POLR3C: variants seen among roughly 807,000 people sequenced by gnomAD.
POLR3C encodes the protein DNA-directed RNA polymerase III subunit RPC3.
A neutral mutation model predicts 65.9 loss-of-function variants in POLR3C; 44 were observed. The observed-to-expected ratio is 0.67, with a 90% CI of 0.52 to 0.86. The LOEUF is 0.86. Among genes scored for constraint, POLR3C ranks in the 40% least tolerant of loss-of-function variants. The pLI, the probability that POLR3C is intolerant of heterozygous loss-of-function variation, is 0.00. For missense variants in POLR3C, 576 were observed against 653.2 expected, an observed-to-expected ratio of 0.88 and a Z score of 1.29; for synonymous variants, 263 against 231.6, an observed-to-expected ratio of 1.14 and a Z score of -1.23.
At chr1:145,827,575 C>T (rs186961585) in intron 4 of POLR3C, among the ~76,000 whole-genome samples, 71 of 151,768 alleles carry the variant, frequency 4.7e-4, no homozygotes, top group Non-Finnish European at 5.0e-4. Flanking sequence ...CTGGCTAATA[C>T]CGGGAAACCC....
At chr1:145,826,758 A>G (rs781929377) in intron 3 of POLR3C, 49 bp downstream of exon 3, 27 of 1,610,022 alleles carry the variant, frequency 1.7e-5, no homozygotes, top group African/African-American at 1.3e-4. Context: ...TCAGCTGGCT[A>G]TGGGAGTGAA....
At position 145,833,552 on chromosome 1, in the gene POLR3C, T is replaced by C. The variant is rs981528812; in HGVS notation, c.846T>C (p.Ala282=). ...RMSEITTSSS[A]PFTQPLSSNE... is the part of the protein sequence containing the mutation. ...GTGAGATTACCACTTCCTCTAGTGC[T>C]CCCTTCACCCAGCCATTGTCTTCCA... Residue 282 remains alanine (A), a synonymous_variant, in exon 7 of 15, where the codon GCT becomes GCC. Transcript: ENST00000334163. The C allele has an allele frequency of 6.2e-7, 1 of 1,612,068 alleles. No individual in the cohort carries two copies. Among genetic ancestry groups the C allele is most frequent in the Non-Finnish European group, 8.5e-7 (1 of 1,178,058 alleles).
In POLR3C at chr1:145,825,772, G is replaced by A. The variant is rs1650685554; in HGVS notation, c.-5G>A. 1 of 1,612,204 alleles carries A rather than the reference G, an allele frequency of 6.2e-7. No homozygotes were observed. Among genetic ancestry groups the A allele is most frequent in the African/African-American group, 1.3e-5 (1 of 74,964 alleles). On this transcript the variant is annotated 5_prime_UTR_variant, in exon 2 of 15. Coordinates refer to ENST00000334163, the MANE Select transcript of POLR3C (RefSeq NM_006468.8). ...TTTTCCCTAGCTCTCAGACTCCCCAGTACAATGACTCAAGCAGAAATTAAG... is the reference window on the plus strand; with the variant it reads ...TTTTCCCTAGCTCTCAGACTCCCCAATACAATGACTCAAGCAGAAATTAAG...
rs1377202941 is a variant in POLR3C at position 145,828,825 on chromosome 1, A to G, written c.666A>G (p.Thr222=). The part of the protein sequence containing the change: ...EPKAKRPKYT[T]DNKEPIPDDG... ...AGGCCAAGAGACCAAAATATACTAC[A>G]GATAACAAGGAGGTAATGGGGCTTC... Residue 222 remains threonine, a synonymous_variant, in exon 5 of 15, where the codon ACA becomes ACG. Transcript: ENST00000334163. The G allele has an allele frequency of 8.9e-6, 14 of 1,575,462 alleles. No individual in the cohort carries two copies. The highest frequency in any genetic ancestry group is 1.2e-5 in the Non-Finnish European group (14 of 1,144,902).
chr1:145,842,279 C>G, intron 14 of POLR3C, 60 bp from the exon 15 acceptor site: 1 of 1,062,632 alleles, frequency 9.4e-7, no homozygotes, highest in Non-Finnish European at 1.4e-6. Context: ...ACCCTAACCT[C>G]TAATCTTAAA....
chr1:145,833,172 G>T lies in POLR3C; in HGVS notation c.679-88G>T, dbSNP rs1219395752. On this transcript the variant is annotated intron_variant, in intron 5 of 14. Coordinates refer to ENST00000334163, the MANE Select transcript of POLR3C (RefSeq NM_006468.8). The stretch of plus-strand genomic sequence containing the variant: ...CAACCAATGTAATTGTTACTGTGTA[G>T]GAAAAGAAATGGTGAACCATTAAAT... The T allele has an allele frequency of 6.6e-6, 5 of 757,762 alleles. No homozygotes were observed. In the African/African-American group the frequency reaches 8.7e-5, roughly 13 times the overall value. 46.9% of individuals were successfully genotyped at this position (757,762 alleles called of 1,614,324 possible). A position where few individuals can be genotyped will look rare whatever the true frequency, so the allele number is the denominator to read the frequency against.
At position 145,824,244 on chromosome 1, in the gene POLR3C, G is replaced by A. The variant is rs1272448174; in HGVS notation, c.-146G>A. ...GCTTTTCCGCGTCTTCTTCGGTGGC[G>A]ATCCGCGTCCTAGAAAGGGCGGTGG... On this transcript the variant is annotated 5_prime_UTR_variant, in exon 1 of 15. Coordinates refer to ENST00000334163, the MANE Select transcript of POLR3C (RefSeq NM_006468.8). The A allele has an allele frequency of 3.7e-6, 1 of 267,590 alleles. No homozygotes were observed. The highest frequency in any genetic ancestry group is 7.3e-6 in the Non-Finnish European group (1 of 136,300). The allele number at this position is 267,590 out of a possible 1,614,324, so 16.6% of individuals were successfully genotyped here. A position where few individuals can be genotyped will look rare whatever the true frequency, so the allele number is the denominator to read the frequency against.
At chr1:145,841,682 C>G (rs1307448105) in intron 14 of POLR3C, among the ~76,000 whole-genome samples, 1 of 152,000 alleles carries the variant, frequency 6.6e-6, no homozygotes, top group African/African-American at 2.4e-5. Flanking sequence ...TTACTAAATT[C>G]ATTTATTAAT....
At chr1:145,837,718 G>A in intron 10 of POLR3C, 122 bp downstream of exon 10, 2 of 759,028 alleles carry the variant, frequency 2.6e-6, no homozygotes, top group Non-Finnish European at 4.8e-6. Context: ...TTTTTTCACT[G>A]GACTCCTATG....
intron 14 of POLR3C, 144 bp downstream of exon 14, chr1:145,841,215 T>A (rs1245937234): frequency 4.3e-6 from 3 of 690,404 alleles, no homozygotes; most frequent in Non-Finnish European, 7.6e-6. Context: ...ATCCACCTAT[T>A]TTTGTAAACT....
In POLR3C at chr1:145,843,470, CAACAT is replaced by C. The variant is rs1468026136; in HGVS notation, c.*1052_*1056del. Among the ~76,000 whole-genome samples, 1 of 152,116 alleles carries C rather than the reference CAACAT, an allele frequency of 6.6e-6. No homozygotes were observed. The highest frequency in any genetic ancestry group is 1.5e-5 in the Non-Finnish European group (1 of 67,986). Reference sequence around the variant, plus strand: ...CAATTGCCAGCCACCATACTAAACACAACATACAAGGATAGATAAATAAGACACCA... The same window carrying C: ...CAATTGCCAGCCACCATACTAAACACACAAGGATAGATAAATAAGACACCA... On this transcript the variant is annotated 3_prime_UTR_variant, in exon 15 of 15. Coordinates refer to ENST00000334163, the MANE Select transcript of POLR3C (RefSeq NM_006468.8).
intron 11 of POLR3C, 128 bp from the exon 12 acceptor site, chr1:145,839,762 G>T: frequency 1.6e-6 from 1 of 639,794 alleles, no homozygotes; most frequent in South Asian, 1.9e-5. Context: ...CACAGGTACT[G>T]AATGACTAGG....
Position 145,840,118 on chromosome 1 carries a change from C to T in POLR3C, c.1326C>T (p.Ser442=). Residue 442 remains serine (S), a splice_region_variant and synonymous_variant, in exon 13 of 15, where the codon AGC becomes AGT. Coordinates refer to ENST00000334163, the MANE Select transcript of POLR3C (RefSeq NM_006468.8). ...TTGTCTGTCTTCTCTTTCCTCAGAG[C>T]ATAGCCAACTTGATAGAAAGGAGGC... ...ARMLLHRCYK[S]IANLIERRQF... is the part of the protein sequence containing the mutation. The T allele has an allele frequency of 6.2e-7, 1 of 1,606,418 alleles. No individual in the cohort carries two copies. The highest frequency in any genetic ancestry group is 2.2e-5 in the East Asian group (1 of 44,854).
chr1:145,825,736 A>T (rs782492989), intron 1 of POLR3C, 21 bp from the exon 2 acceptor site: 1 of 1,553,020 alleles, frequency 6.4e-7, no homozygotes, highest in Non-Finnish European at 8.9e-7. Flanking sequence ...CTATTGTACC[A>T]TTTTGGTGTT....
chr1:145,832,184 C>T (rs1651388967), intron 5 of POLR3C, among the ~76,000 whole-genome samples: 1 of 152,166 alleles, frequency 6.6e-6, no homozygotes, highest in South Asian at 2.1e-4. Context: ...AACATAGAAT[C>T]CTTAAGGACA....
At chr1:145,833,230 GC>G in intron 5 of POLR3C, 29 bp from the exon 6 acceptor site, 2 of 1,367,062 alleles carry the variant, frequency 1.5e-6, no homozygotes, top group South Asian at 2.4e-5. Flanking sequence ...TTACACTATA[GC>G]TAAATGTTTC....
intron 4 of POLR3C, among the ~76,000 whole-genome samples, chr1:145,827,381 CTG>C (rs1553726087): frequency 6.6e-6 from 1 of 152,138 alleles, no homozygotes; most frequent in Non-Finnish European, 1.5e-5. Flanking sequence ...CTTTGGGAGA[CTG>C]AGGCAGGCGA....
intron 5 of POLR3C, among the ~76,000 whole-genome samples, chr1:145,832,010 C>G (rs1230858228): frequency 6.6e-6 from 1 of 151,940 alleles, no homozygotes; most frequent in Non-Finnish European, 1.5e-5. Context: ...CCACTGCACT[C>G]CAGCCTGGGT....
intron 10 of POLR3C, 134 bp from the exon 11 acceptor site, chr1:145,837,922 T>A (rs961219722): frequency 3.9e-6 from 3 of 767,058 alleles, no homozygotes; most frequent in Non-Finnish European, 4.2e-6. Context: ...TATGGAGCTG[T>A]AGAATAATTT....
Sources: allele counts gnomAD v4.1 joint callset (sites outside exome capture counted in the v4.1 genomes callset), GRCh38; gene constraint gnomAD v4.1.1; transcripts MANE v1.5; gene names NCBI Gene and HGNC (gene_info 2026-07-23, HGNC 2026-07-21).